The following GALNT2 variants were observed in gnomAD, a reference collection of about 807,000 sequenced individuals.
GALNT2 encodes UDP-GalNAc:polypeptide N-acetylgalactosaminyltransferase 2.
In GALNT2, 31 loss-of-function variants were observed where a neutral mutation model predicts 81.4. The ratio of observed to expected loss-of-function variants is 0.38; its 90% CI spans 0.29 to 0.51. GALNT2 has a LOEUF of 0.51. Among genes scored for constraint, GALNT2 ranks in the 20% least tolerant of loss-of-function variants. GALNT2 has a pLI of 0.87. For synonymous variants in GALNT2, 303 were observed against 287.4 expected, an observed-to-expected ratio of 1.05 and a Z score of -0.55; for missense variants, 629 against 765.7, an observed-to-expected ratio of 0.82 and a Z score of 2.11.
rs1666425347 is a variant in GALNT2, at chr1:230,281,008, A to T, written c.*1550A>T. 6.6e-6 allele frequency: 1 copy of T among 152,168 alleles called. No homozygotes were observed. Among genetic ancestry groups the T allele is most frequent in the African/African-American group, 2.4e-5 (1 of 41,374 alleles). The allele number at this position is 152,168 out of a possible 1,614,324, so 9.4% of individuals were successfully genotyped here. ...GCCTTCTCCAGCGCCGCACACACAG[A>T]TGCTCAGTCTCAGAGAGGCTGGCAC... On this transcript the variant is annotated 3_prime_UTR_variant, in exon 16 of 16. Coordinates refer to ENST00000366672, the MANE Select transcript of GALNT2 (RefSeq NM_004481.5).
chr1:230,129,973 C>G lies in GALNT2; in HGVS notation c.127-48245C>G, dbSNP rs547661176. Among the ~76,000 whole-genome samples the G allele has an allele frequency of 1.3e-4, 20 of 152,372 alleles. No individual in the cohort carries two copies. The South Asian group carries it at 3.9e-3, about 30-fold the overall frequency. On this transcript the variant is annotated intron_variant, in intron 1 of 15. Transcript: ENST00000366672. ...GGCATCACCCGTCTGCTGAAGTACGCTGAACGGGCACAATTGCAGGATTAC... is the reference window on the plus strand; with the variant it reads ...GGCATCACCCGTCTGCTGAAGTACGGTGAACGGGCACAATTGCAGGATTAC...
At chr1:230,090,873 T>C (rs868122741) in intron 1 of GALNT2, among the ~76,000 whole-genome samples, 1 of 152,170 alleles carries the variant, frequency 6.6e-6, no homozygotes, top group Non-Finnish European at 1.5e-5. Flanking sequence ...GGCATCACTC[T>C]TGGTTTTATA....
At position 230,131,586 on chromosome 1, in the gene GALNT2, T is replaced by C. The variant is rs767464888; in HGVS notation, c.127-46632T>C. ...CACTAGCCACCCAATTCTCCTTGCT[T>C]GGCACCCTGCAATTTAAACCTCGCA... On this transcript the variant is annotated intron_variant, in intron 1 of 15. Transcript: ENST00000366672. Among the ~76,000 whole-genome samples the C allele has an allele frequency of 1.2e-4, 18 of 152,302 alleles. No individual in the cohort carries two copies. In the East Asian group the frequency reaches 2.3e-3, roughly 20 times the overall value.
At chr1:230,093,051 G>T (rs992599386) in intron 1 of GALNT2, among the ~76,000 whole-genome samples, 2 of 152,136 alleles carry the variant, frequency 1.3e-5, no homozygotes, top group African/African-American at 4.8e-5. Flanking sequence ...GAAACCCAAA[G>T]TGCTGGCCGA....
intron 3 of GALNT2, among the ~76,000 whole-genome samples, chr1:230,211,614 T>TA (rs1381885227): frequency 1.7e-4 from 26 of 151,656 alleles, no homozygotes; most frequent in Non-Finnish European, 2.5e-4. Flanking sequence ...GACCCCATCT[T>TA]AAAAAACAAT....
intron 3 of GALNT2, among the ~76,000 whole-genome samples, chr1:230,232,029 C>T (rs543001500): frequency 6.6e-6 from 1 of 152,320 alleles, no homozygotes; most frequent in African/African-American, 2.4e-5. Context: ...TGTTGAGTTA[C>T]TATATTGGGT....
At chr1:230,207,736 G>A (rs1431133284) in intron 3 of GALNT2, among the ~76,000 whole-genome samples, 1 of 151,936 alleles carries the variant, frequency 6.6e-6, no homozygotes, top group African/African-American at 2.4e-5. Flanking sequence ...CCGTGGGTGC[G>A]CATCATGACG....
intron 8 of GALNT2, among the ~76,000 whole-genome samples, chr1:230,247,229 A>T (rs1665401198): frequency 6.6e-6 from 1 of 152,150 alleles, no homozygotes; most frequent in South Asian, 2.1e-4. Context: ...TCATACACAC[A>T]CACATATGTG....
intron 1 of GALNT2, among the ~76,000 whole-genome samples, chr1:230,121,239 C>T (rs952568654): frequency 2.6e-5 from 4 of 152,248 alleles, no homozygotes; most frequent in African/African-American, 9.6e-5. Flanking sequence ...CTGCTGTGTG[C>T]TGGCACATGC....
At chr1:230,179,590 T>C (rs145619132) in intron 2 of GALNT2, among the ~76,000 whole-genome samples, 14 of 152,370 alleles carry the variant, frequency 9.2e-5, no homozygotes, top group Middle Eastern at 3.4e-3. Flanking sequence ...ATTTGCCATC[T>C]GTATATTTTC....
At chr1:230,059,650 G>A (rs953745882) in intron 1 of GALNT2, among the ~76,000 whole-genome samples, 1 of 151,996 alleles carries the variant, frequency 6.6e-6, no homozygotes, top group African/African-American at 2.4e-5. Flanking sequence ...GAAACTTCAG[G>A]GTCACCATAT....
chr1:230,255,440 T>C, intron 11 of GALNT2, 96 bp downstream of exon 11: 1 of 1,487,220 alleles, frequency 6.7e-7, no homozygotes, highest in Non-Finnish European at 9.3e-7. Context: ...TGTCCTTCAG[T>C]GGGTGTGGTG....
intron 2 of GALNT2, among the ~76,000 whole-genome samples, chr1:230,183,773 T>G (rs1663231668): frequency 6.6e-6 from 1 of 151,568 alleles, no homozygotes; most frequent in Non-Finnish European, 1.5e-5. Flanking sequence ...AAGTCAGGAG[T>G]TCAAGACCAG....
In GALNT2 at chr1:230,196,203, C is replaced by G. The variant is rs566161137; in HGVS notation, c.221-6934C>G. ...TGCCTGCCGTCCCTCCCTACTGGGT[C>G]TCTTCTGTCTCTGGGTGTCTTCTGT... is the stretch of plus-strand genomic sequence containing the variant. On this transcript the variant is annotated intron_variant, in intron 2 of 15. Coordinates refer to ENST00000366672, the MANE Select transcript of GALNT2 (RefSeq NM_004481.5). Among the ~76,000 whole-genome samples, 8 of 152,348 alleles carry G rather than the reference C, an allele frequency of 5.3e-5. No homozygotes were observed. The South Asian group carries it at 1.4e-3, about 28-fold the overall frequency.
chr1:230,274,302 G>C (rs1666225348), intron 14 of GALNT2, 143 bp from the exon 15 acceptor site: 1 of 1,127,494 alleles, frequency 8.9e-7, no homozygotes, highest in Non-Finnish European at 1.2e-6. Context: ...AAAAGTAATT[G>C]TTTCGTTCTC....
intron 3 of GALNT2, among the ~76,000 whole-genome samples, chr1:230,218,483 C>A (rs547719202): frequency 6.6e-6 from 1 of 152,296 alleles, no homozygotes; most frequent in South Asian, 2.1e-4. Flanking sequence ...CGTGTGAGGA[C>A]TAAATGGGTT....
At chr1:230,071,550 G>A (rs78166680) in intron 1 of GALNT2, among the ~76,000 whole-genome samples, 36 of 152,124 alleles carry the variant, frequency 2.4e-4, no homozygotes, top group African/African-American at 8.7e-4. Flanking sequence ...AGGGCAGGTC[G>A]CTGTGATCCC....
chr1:230,236,291 C>A, intron 4 of GALNT2, 62 bp from the exon 5 acceptor site: 1 of 1,532,358 alleles, frequency 6.5e-7, no homozygotes. Context: ...AATTTTCTAC[C>A]CCAGGCTAAA....
chr1:230,168,053 G>T (rs1212336748), intron 1 of GALNT2, among the ~76,000 whole-genome samples: 1 of 152,062 alleles, frequency 6.6e-6, no homozygotes, highest in East Asian at 1.9e-4. Flanking sequence ...TTCAGCTGTG[G>T]TTGGGAAACC....
Sources: gnomAD v4.1 joint callset for allele counts (sites outside exome capture counted in the v4.1 genomes callset) on GRCh38, gnomAD v4.1.1 for gene constraint, MANE v1.5 for transcripts, NCBI Gene and HGNC (gene_info 2026-07-23, HGNC 2026-07-21) for gene names.